The following ZNF782 variants were observed in gnomAD, a reference collection of about 807,000 sequenced individuals.
ZNF782 encodes the protein zinc finger protein 782.
ZNF782 carries 12 observed loss-of-function variants against 13.0 expected under a neutral mutation model. That is an observed-to-expected ratio of 0.92 (90% CI 0.59 to 1.50). The LOEUF is 1.50. ZNF782 is among the 40% of genes most tolerant of loss of function. The pLI is 0.00. For synonymous variants in ZNF782, 284 were observed against 283.0 expected, an observed-to-expected ratio of 1.00 and a Z score of -0.04; for missense variants, 770 against 822.9, an observed-to-expected ratio of 0.94 and a Z score of 0.79.
At chr9:96,932,535 G>A in the ZNF782 span, 5 of 1,298,620 alleles carry the variant, frequency 3.9e-6, no homozygotes, top group Non-Finnish European at 4.4e-6. Context: ...AGGGTGATGG[G>A]TTGTGCTATG....
intron 5 of ZNF782, among the ~76,000 whole-genome samples, chr9:96,821,531 G>T (rs961330346): frequency 6.6e-6 from 1 of 152,116 alleles, no homozygotes; most frequent in Non-Finnish European, 1.5e-5. Flanking sequence ...TATATGGATA[G>T]TACTCATATA....
Position 96,818,819 on chromosome 9 carries a change from C to G in ZNF782, c.1204G>C (p.Ala402Pro). ...KPYECPECGK[A>P]FSEKSRLRKH... The stretch of plus-strand genomic sequence containing the variant: ...CTTAGGCGTGACTTCTCACTGAAGG[C>G]TTTCCCGCACTCAGGACATTCATAG... The change falls in exon 6 of 6, where the codon GCC becomes CCC. Residue 402 changes from alanine to proline, a missense_variant. By Grantham distance (27) the Ala-to-Pro change is conservative. Coordinates refer to ENST00000481138, the MANE Select transcript of ZNF782 (RefSeq NM_001001662.3). 1 of 1,612,848 alleles carries G rather than the reference C, an allele frequency of 6.2e-7. No individual in the cohort carries two copies. The highest frequency in any genetic ancestry group is 1.3e-5 in the African/African-American group (1 of 74,526).
the ZNF782 span, among the ~76,000 whole-genome samples, chr9:96,930,896 TTTTTTTTTTTTTTTTTG>T: frequency 1.2e-5 from 1 of 85,154 alleles, no homozygotes; most frequent in African/African-American, 6.9e-5. Flanking sequence ...TTTTTTTTTT[TTTTTTTTTTTTTTTTTG>T]AGACGGAGTC....
At chr9:96,824,541 G>A (rs897339268) in intron 5 of ZNF782, among the ~76,000 whole-genome samples, 1 of 151,306 alleles carries the variant, frequency 6.6e-6, no homozygotes, top group African/African-American at 2.4e-5. Flanking sequence ...CATAGTGTTG[G>A]AAGTTCTGGC....
At chr9:96,863,641 A>G (rs546281267) in intron 1 of ZNF782, among the ~76,000 whole-genome samples, 1 of 152,384 alleles carries the variant, frequency 6.6e-6, no homozygotes, top group African/African-American at 2.4e-5. Flanking sequence ...TGAGCAAAAG[A>G]AAATATAGAA....
intron 1 of ZNF782, among the ~76,000 whole-genome samples, chr9:96,865,130 C>A (rs1376398512): frequency 6.6e-6 from 1 of 152,164 alleles, no homozygotes; most frequent in East Asian, 1.9e-4. Flanking sequence ...CCAGCCTGTT[C>A]TTCTCTCAGT....
At chr9:96,928,044 G>GA in the ZNF782 span, among the ~76,000 whole-genome samples, 2 of 146,476 alleles carry the variant, frequency 1.4e-5, no homozygotes, top group African/African-American at 2.7e-5. Flanking sequence ...CTGGAAAGAT[G>GA]AAAAAGAATC....
the ZNF782 span, among the ~76,000 whole-genome samples, chr9:96,933,201 AT>A: frequency 1.4e-5 from 2 of 147,462 alleles, no homozygotes; most frequent in Non-Finnish European, 3.0e-5. Flanking sequence ...GATGCTCTCA[AT>A]CTCCTGCCCT....
chr9:96,821,366 C>T (rs1850410231), intron 5 of ZNF782, among the ~76,000 whole-genome samples: 1 of 152,172 alleles, frequency 6.6e-6, no homozygotes, highest in Non-Finnish European at 1.5e-5. Flanking sequence ...TAGCCTTAGA[C>T]CTATGTAGAC....
chr9:96,879,411 G>C (rs1315320424), upstream of ZNF782, among the ~76,000 whole-genome samples: 1 of 152,224 alleles, frequency 6.6e-6, no homozygotes, highest in Non-Finnish European at 1.5e-5. Flanking sequence ...GCTGAGGCAG[G>C]AGAATGGCGT....
chr9:96,858,815 C>T (rs73546561), upstream of ZNF782, among the ~76,000 whole-genome samples: 4 of 152,180 alleles, frequency 2.6e-5, no homozygotes, highest in African/African-American at 9.7e-5. The surrounding 1 kb of genome is among the most constrained non-coding windows in gnomAD (Gnocchi z 4.4). Flanking sequence ...CAGCTGTGCT[C>T]CCCACAGGAA....
chr9:96,889,000 A>C, the ZNF782 span: 3 of 152,184 alleles, frequency 2.0e-5, no homozygotes, highest in Non-Finnish European at 4.4e-5. Flanking sequence ...GCTTTTTCCA[A>C]AACTGGTCTG....
intron 4 of ZNF782, among the ~76,000 whole-genome samples, chr9:96,836,907 G>A (rs1851020889): frequency 6.6e-6 from 1 of 152,080 alleles, no homozygotes; most frequent in Non-Finnish European, 1.5e-5. Context: ...CTTTGCACAT[G>A]GCCCCTCCCC....
chr9:96,826,130 C>G (rs1850610521), intron 5 of ZNF782, among the ~76,000 whole-genome samples: 1 of 152,104 alleles, frequency 6.6e-6, no homozygotes, highest in African/African-American at 2.4e-5. Flanking sequence ...TTCACAATAG[C>G]AAAGACTTGG....
the ZNF782 span, chr9:96,887,289 G>GAAA: frequency 0.019 from 1,199 of 61,970 alleles, 19 homozygotes; most frequent in African/African-American, 0.069. Context: ...AAAAAAGAAA[G>GAAA]GAAGGAAGGA....
chr9:96,928,800 T>C, the ZNF782 span: 1 of 503,090 alleles, frequency 2.0e-6, no homozygotes, highest in South Asian at 2.1e-5. Flanking sequence ...GCCAGAGCCC[T>C]TCACAGAATG....
intron 3 of ZNF782, among the ~76,000 whole-genome samples, chr9:96,846,971 C>T (rs1456996995): frequency 6.6e-6 from 1 of 151,996 alleles, no homozygotes; most frequent in Non-Finnish European, 1.5e-5. Context: ...TTTTAAAAAT[C>T]GAAATCATAT....
chr9:96,878,726 T>C (rs1009219616), upstream of ZNF782, among the ~76,000 whole-genome samples: 2 of 152,252 alleles, frequency 1.3e-5, no homozygotes, highest in African/African-American at 4.8e-5. Context: ...TTCACTATTA[T>C]AAATAATATG....
At chr9:96,872,457 A>G (rs1315858688) in intron 1 of ZNF782, among the ~76,000 whole-genome samples, 1 of 150,866 alleles carries the variant, frequency 6.6e-6, no homozygotes, top group Non-Finnish European at 1.5e-5. Context: ...CTTGAACCTG[A>G]GGGGCGGAGG....
Sources: gnomAD v4.1 joint callset for allele counts (sites outside exome capture counted in the v4.1 genomes callset) on GRCh38, gnomAD v4.1.1 for gene constraint, Gnocchi (gnomAD v3.1) non-coding constraint, MANE v1.5 for transcripts, NCBI Gene and HGNC (gene_info 2026-07-23, HGNC 2026-07-21) for gene names.